The following DPP10 variants were observed in gnomAD, a reference collection of about 807,000 sequenced individuals.
DPP10 encodes the protein dipeptidyl peptidase like 10.
Under a neutral mutation model 120.9 loss-of-function variants are expected in DPP10, and 33 were observed. The ratio of observed to expected loss-of-function variants is 0.27; its 90% CI spans 0.21 to 0.37. DPP10 has a LOEUF of 0.37. Among genes scored for constraint, DPP10 ranks in the 10% least tolerant of loss-of-function variants. The pLI is 1.00. For synonymous variants in DPP10, 337 were observed against 326.1 expected (o/e 1.03, Z -0.36); for missense variants, 816 against 942.8 (o/e 0.87, Z 1.76).
At chr2:115,317,023 A>C (rs2061828225) in intron 2 of DPP10, among the ~76,000 whole-genome samples, 1 of 152,170 alleles carries the variant, frequency 6.6e-6, no homozygotes, top group Non-Finnish European at 1.5e-5. Context: ...GAGACGGAGA[A>C]GTTGAGGCTG....
chr2:114,717,338 A>T (rs1376109541), intron 1 of DPP10, among the ~76,000 whole-genome samples: 1 of 152,234 alleles, frequency 6.6e-6, no homozygotes, highest in Non-Finnish European at 1.5e-5. Flanking sequence ...TCACTTAGAC[A>T]CAGAGCATCT....
intron 1 of DPP10, among the ~76,000 whole-genome samples, chr2:115,182,483 G>C (rs1041721508): frequency 2.0e-5 from 3 of 152,062 alleles, no homozygotes; most frequent in African/African-American, 7.2e-5. Flanking sequence ...ACAGTCTTTG[G>C]GGTTATCAGG....
intron 5 of DPP10, among the ~76,000 whole-genome samples, chr2:115,560,455 T>A (rs2080569661): frequency 1.1e-5 from 1 of 93,974 alleles, no homozygotes; most frequent in Non-Finnish European, 2.0e-5. Context: ...TACGACAAGC[T>A]ACTGATTTAA....
intron 9 of DPP10, among the ~76,000 whole-genome samples, chr2:115,740,390 G>C (rs948230328): frequency 6.6e-6 from 1 of 151,982 alleles, no homozygotes; most frequent in East Asian, 1.9e-4. Context: ...TATGCATAAA[G>C]AATCTCCAGT....
intron 1 of DPP10, among the ~76,000 whole-genome samples, chr2:114,650,898 A>G (rs1202205559): frequency 1.3e-5 from 2 of 152,186 alleles, no homozygotes; most frequent in Non-Finnish European, 2.9e-5. Flanking sequence ...TTTACTGCCT[A>G]AAAATTCCCT....
At position 115,287,867 on chromosome 2, in the gene DPP10, T is replaced by C. The variant is rs1418250927; in HGVS notation, c.61-21372T>C. ...TGAAAGAAATCATAGACTATTCCTTTCCATGGAATGATAAGGAAATGGTAT... is the reference window on the plus strand; with the variant it reads ...TGAAAGAAATCATAGACTATTCCTTCCCATGGAATGATAAGGAAATGGTAT... On this transcript the variant is annotated intron_variant, in intron 1 of 25. Transcript: ENST00000410059. 3.9e-5 allele frequency among the ~76,000 whole-genome samples: 6 copies of C among 152,252 alleles called. 1 individual carries two copies. In the East Asian group the frequency reaches 1.2e-3, roughly 30 times the overall value.
At chr2:115,653,648 A>G (rs919789760) in intron 5 of DPP10, among the ~76,000 whole-genome samples, 47 of 151,954 alleles carry the variant, frequency 3.1e-4, no homozygotes, top group African/African-American at 1.1e-3. Flanking sequence ...TTCTTTCTTT[A>G]TATTTCTTGT....
At chr2:115,573,625 T>G (rs2081480729) in intron 5 of DPP10, among the ~76,000 whole-genome samples, 1 of 136,122 alleles carries the variant, frequency 7.3e-6, no homozygotes, top group Non-Finnish European at 1.5e-5. Context: ...TCTCACTCTG[T>G]CACCCAGGCT....
chr2:115,036,852 A>T (rs113353983), intron 1 of DPP10, among the ~76,000 whole-genome samples: 1 of 152,304 alleles, frequency 6.6e-6, no homozygotes, highest in African/African-American at 2.4e-5. Context: ...AATCGAATTA[A>T]AATATAGAAA....
chr2:114,725,200 C>A (rs1207684541), intron 1 of DPP10, among the ~76,000 whole-genome samples: 1 of 152,196 alleles, frequency 6.6e-6, no homozygotes, highest in Non-Finnish European at 1.5e-5. Flanking sequence ...TAAACTCTTC[C>A]ATTAAAATTA....
chr2:114,964,745 TG>T (rs1029072146), intron 1 of DPP10, among the ~76,000 whole-genome samples: 10 of 152,130 alleles, frequency 6.6e-5, no homozygotes, highest in African/African-American at 2.4e-4. Flanking sequence ...TTTAGGGTCA[TG>T]GTGAAGGTTT....
chr2:114,909,192 A>G (rs1694188373), intron 1 of DPP10, among the ~76,000 whole-genome samples: 1 of 152,026 alleles, frequency 6.6e-6, no homozygotes, highest in African/African-American at 2.4e-5. Context: ...ATGAGAACTT[A>G]GAAAATTCAG....
chr2:115,577,461 T>C (rs763698683), intron 5 of DPP10, among the ~76,000 whole-genome samples: 4 of 152,340 alleles, frequency 2.6e-5, no homozygotes, highest in South Asian at 4.1e-4. Context: ...TAAGCACTTA[T>C]GGATTTTTGT....
At chr2:115,627,407 G>A (rs915758204) in intron 5 of DPP10, among the ~76,000 whole-genome samples, 13 of 152,142 alleles carry the variant, frequency 8.5e-5, no homozygotes, top group Admixed American at 7.2e-4. Context: ...TTGCACTTGG[G>A]AACAAAGTGA....
intron 1 of DPP10, among the ~76,000 whole-genome samples, chr2:114,961,331 G>A (rs1410234926): frequency 6.6e-6 from 1 of 152,008 alleles, no homozygotes; most frequent in East Asian, 1.9e-4. Context: ...TGAGATTAAA[G>A]GCATGAGCCA....
rs558876722 is a variant in DPP10, at chr2:115,381,954, A to G, written c.271+38042A>G. Among the ~76,000 whole-genome samples, 167 of 152,152 alleles carry G rather than the reference A, an allele frequency of 1.1e-3. 1 individual carries two copies. The South Asian group carries it at 0.033, about 30-fold the overall frequency. ...TGCTGGGAGAACCACTGCTCTCTTC[A>G]AAGCTGTCAGACAGGGACATTTACG... On this transcript the variant is annotated intron_variant, in intron 3 of 25. Coordinates refer to ENST00000410059, the MANE Select transcript of DPP10 (RefSeq NM_020868.6).
At chr2:115,042,762 C>T (rs2105307727) in intron 1 of DPP10, among the ~76,000 whole-genome samples, 1 of 152,318 alleles carries the variant, frequency 6.6e-6, no homozygotes, top group South Asian at 2.1e-4. Context: ...AGTTTCAATT[C>T]ATGCTATAAT....
In DPP10 at chr2:115,845,656, G is replaced by A. The variant is rs1430154319; in HGVS notation, c.*3311G>A. The A allele has an allele frequency of 6.6e-6, 1 of 152,140 alleles. No homozygotes were observed. Among genetic ancestry groups the A allele is most frequent in the Non-Finnish European group, 1.5e-5 (1 of 68,038 alleles). 9.4% of individuals were successfully genotyped at this position (152,140 alleles called of 1,614,324 possible). A position where few individuals can be genotyped will look rare whatever the true frequency, so the allele number is the denominator to read the frequency against. ...TGTGCTAGCTGTTGTCTTAGACTCT[G>A]CTTTCTGGAAACTATTTTTCCCCTC... On this transcript the variant is annotated 3_prime_UTR_variant, in exon 26 of 26. Transcript: ENST00000410059.
At chr2:115,598,768 C>T (rs1575292512) in intron 5 of DPP10, among the ~76,000 whole-genome samples, 2 of 146,294 alleles carry the variant, frequency 1.4e-5, no homozygotes, top group Non-Finnish European at 1.5e-5. Context: ...AAGATTCAAG[C>T]TTTTCATCTG....
Sources: allele counts gnomAD v4.1 joint callset (sites outside exome capture counted in the v4.1 genomes callset), GRCh38; gene constraint gnomAD v4.1.1; transcripts MANE v1.5; gene names NCBI Gene and HGNC (gene_info 2026-07-23, HGNC 2026-07-21).